PCNX2: variants seen among roughly 807,000 people sequenced by gnomAD.
PCNX2 encodes the protein pecanex 2, also known as pecanex-like protein 2.
Under a neutral mutation model 223.8 loss-of-function variants are expected in PCNX2, and 168 were observed. That is an observed-to-expected ratio of 0.75 (90% confidence interval 0.66 to 0.85). The LOEUF is 0.85. Among genes scored for constraint, PCNX2 ranks in the 40% least tolerant of loss-of-function variants. The pLI, the probability that PCNX2 is intolerant of heterozygous loss-of-function variation, is 0.00. For missense variants in PCNX2, 2,507 were observed against 2,675.5 expected (o/e 0.94, Z 1.39); for synonymous variants, 1,006 against 1,052.6 (o/e 0.96, Z 0.86).
intron 21 of PCNX2, among the ~76,000 whole-genome samples, chr1:233,106,097 G>A (rs1674755940): frequency 6.6e-6 from 1 of 152,174 alleles, no homozygotes; most frequent in Non-Finnish European, 1.5e-5. Flanking sequence ...TGACGAGGGA[G>A]AGATGCTTTT....
intron 23 of PCNX2, among the ~76,000 whole-genome samples, chr1:233,059,748 C>A (rs1439665633): frequency 6.6e-6 from 1 of 152,120 alleles, no homozygotes; most frequent in African/African-American, 2.4e-5. Context: ...TAAGAAGAAA[C>A]AAGACTAGCT....
intron 24 of PCNX2, among the ~76,000 whole-genome samples, chr1:233,055,898 A>G (rs1279752102): frequency 6.6e-6 from 1 of 152,184 alleles, no homozygotes; most frequent in Admixed American, 6.6e-5. Flanking sequence ...AAGAAGGTGA[A>G]GATGCCCCAA....
intron 2 of PCNX2, among the ~76,000 whole-genome samples, chr1:233,262,399 C>T (rs1408597100): frequency 6.6e-6 from 1 of 151,968 alleles, no homozygotes; most frequent in Non-Finnish European, 1.5e-5. Flanking sequence ...CTCAAGTGAT[C>T]CTCCCACCTC....
chr1:233,316,314 T>C, the PCNX2 span, among the ~76,000 whole-genome samples: 1 of 152,206 alleles, frequency 6.6e-6, no homozygotes, highest in Non-Finnish European at 1.5e-5. Context: ...TAACAACAGA[T>C]GCCAATAAAT....
intron 9 of PCNX2, 64 bp downstream of exon 9, chr1:233,236,780 GA>G: frequency 1.9e-6 from 3 of 1,580,666 alleles, no homozygotes; most frequent in Admixed American, 1.8e-5. Flanking sequence ...ATCCAACCTG[GA>G]AAAAGGTTTT....
At chr1:233,324,318 A>G in the PCNX2 span, among the ~76,000 whole-genome samples, 2 of 152,360 alleles carry the variant, frequency 1.3e-5, no homozygotes, top group South Asian at 4.1e-4. Context: ...TACACTAAAC[A>G]ATAGATTTTC....
intron 23 of PCNX2, among the ~76,000 whole-genome samples, chr1:233,086,324 G>A (rs777398729): frequency 1.3e-5 from 2 of 152,138 alleles, no homozygotes; most frequent in Non-Finnish European, 2.9e-5. Context: ...ATCACAGGTG[G>A]CTATTTAAAT....
chr1:232,999,160 C>T lies in PCNX2; in HGVS notation c.5548G>A (p.Gly1850Ser). ...GTHRQLKNIW[G>S]GPITLDRIRT... ...ATTCTGTCCAAAGTGATGGGTCCACCCCAGATGTTCTTCAGCTGCCTGTGT... is the reference window on the plus strand; with the variant it reads ...ATTCTGTCCAAAGTGATGGGTCCACTCCAGATGTTCTTCAGCTGCCTGTGT... The change falls in exon 31 of 34, where the codon GGT becomes AGT. Residue 1850 changes from glycine (G) to serine (S), a missense_variant. By Grantham distance (56) the Gly-to-Ser change is moderately conservative. Transcript: ENST00000258229. The T allele has an allele frequency of 6.2e-7, 1 of 1,613,906 alleles. No individual in the cohort carries two copies. The highest frequency in any genetic ancestry group is 8.5e-7 in the Non-Finnish European group (1 of 1,179,854).
At chr1:233,163,729 T>G (rs1437557691) in intron 17 of PCNX2, among the ~76,000 whole-genome samples, 1 of 152,024 alleles carries the variant, frequency 6.6e-6, no homozygotes, top group Non-Finnish European at 1.5e-5. Context: ...CTTTCTGTCT[T>G]TAGTGATCCT....
chr1:233,021,773 G>A (rs569250948), intron 26 of PCNX2, among the ~76,000 whole-genome samples: 3 of 152,308 alleles, frequency 2.0e-5, no homozygotes, highest in African/African-American at 4.8e-5. Flanking sequence ...GCTATTACCC[G>A]GCAGGTTCTG....
chr1:233,278,876 A>G (rs1248464124), intron 1 of PCNX2, among the ~76,000 whole-genome samples: 1 of 152,168 alleles, frequency 6.6e-6, no homozygotes, highest in Non-Finnish European at 1.5e-5. Flanking sequence ...CCCCACTCCT[A>G]AATGCATATC....
chr1:233,119,383 C>T (rs1675616209), intron 21 of PCNX2, among the ~76,000 whole-genome samples: 1 of 129,998 alleles, frequency 7.7e-6, no homozygotes, highest in Admixed American at 8.1e-5. Flanking sequence ...CATGGTGAAA[C>T]CCCGTCTCTA....
upstream of PCNX2, among the ~76,000 whole-genome samples, chr1:233,296,080 C>A (rs192739333): frequency 6.8e-3 from 1,009 of 148,904 alleles, 4 homozygotes; most frequent in Non-Finnish European, 0.011. Flanking sequence ...AGGGTGTTCT[C>A]ATGCAGAAGG....
chr1:233,239,125 C>T (rs549719586), intron 8 of PCNX2, among the ~76,000 whole-genome samples: 2 of 152,256 alleles, frequency 1.3e-5, no homozygotes, highest in South Asian at 2.1e-4. Flanking sequence ...CAGAACTTCA[C>T]TACAAACAAA....
intron 8 of PCNX2, among the ~76,000 whole-genome samples, chr1:233,248,657 C>A (rs1659270245): frequency 6.6e-6 from 1 of 152,116 alleles, no homozygotes; most frequent in African/African-American, 2.4e-5. Flanking sequence ...ACCGCAAAAT[C>A]CCCACTTTGC....
At chr1:233,220,239 A>G (rs781645156) in intron 10 of PCNX2, among the ~76,000 whole-genome samples, 8 of 152,212 alleles carry the variant, frequency 5.3e-5, no homozygotes, top group Non-Finnish European at 1.2e-4. Flanking sequence ...AAGCTGTTAC[A>G]AACATTCATG....
chr1:233,074,446 T>G (rs1672996071), intron 23 of PCNX2, among the ~76,000 whole-genome samples: 1 of 151,198 alleles, frequency 6.6e-6, no homozygotes, highest in Non-Finnish European at 1.5e-5. Flanking sequence ...TACAAAAAAA[T>G]TAGCTGGGCG....
chr1:233,153,612 AGATAAATTC>A (rs577538318), intron 19 of PCNX2, among the ~76,000 whole-genome samples: 62 of 152,318 alleles, frequency 4.1e-4, no homozygotes, highest in African/African-American at 1.5e-3. Flanking sequence ...AAGATAAGAG[AGATAAATTC>A]TTATCTTTTA....
the PCNX2 span, among the ~76,000 whole-genome samples, chr1:233,313,394 G>A: frequency 9.4e-4 from 143 of 152,290 alleles, no homozygotes; most frequent in African/African-American, 3.3e-3. Flanking sequence ...AGACAGACTT[G>A]TCAGTGAGAT....
Sources: gnomAD v4.1 joint callset for allele counts (sites outside exome capture counted in the v4.1 genomes callset) on GRCh38, gnomAD v4.1.1 for gene constraint, MANE v1.5 for transcripts, NCBI Gene and HGNC (gene_info 2026-07-23, HGNC 2026-07-21) for gene names.